Variants in RIT2 observed in about 807,000 individuals in gnomAD.
RIT2 encodes the protein GTP-binding protein Rit2.
RIT2 carries 24 observed loss-of-function variants against 23.7 expected under a neutral mutation model. The ratio of observed to expected loss-of-function variants is 1.01; its 90% CI spans 0.73 to 1.43. The LOEUF (loss-of-function observed/expected upper bound fraction) is 1.43. Among genes scored for constraint, RIT2 ranks in the 40% most tolerant of loss-of-function variants. The probability of loss-of-function intolerance (pLI) is 0.00; values close to 1 mark genes in which losing one functional copy is unlikely to be tolerated. For missense variants in RIT2, 236 were observed against 266.9 expected (o/e 0.88, Z 0.81); for synonymous variants, 107 against 91.1 (o/e 1.17, Z -0.99).
Position 42,990,695 on chromosome 18 carries a change from T to C in RIT2, c.161-16548A>G, listed in dbSNP as rs1910821684. 1.3e-5 allele frequency among the ~76,000 whole-genome samples: 2 copies of C among 152,226 alleles called. 1 individual carries two copies. The highest frequency in any genetic ancestry group is 1.3e-4 in the Admixed American group (2 of 15,280). On this transcript the variant is annotated intron_variant, in intron 2 of 4. Transcript: ENST00000326695. ...AGTGGTCAATAAATTCAGTTTACTT[T>C]CTTCTCACATTGTGTCTAGCACTCT...
chr18:42,817,497 G>C (rs1362641811), intron 4 of RIT2, among the ~76,000 whole-genome samples: 2 of 152,082 alleles, frequency 1.3e-5, no homozygotes. Flanking sequence ...CATAATTATG[G>C]TATGTACTAA....
intron 2 of RIT2, among the ~76,000 whole-genome samples, chr18:42,998,871 G>A (rs1460002836): frequency 1.3e-5 from 2 of 151,974 alleles, no homozygotes; most frequent in Non-Finnish European, 2.9e-5. Context: ...AAAGAGGTAG[G>A]TTTATAGGAC....
chr18:42,896,706 C>G (rs1354274675), intron 4 of RIT2, among the ~76,000 whole-genome samples: 9 of 152,180 alleles, frequency 5.9e-5, no homozygotes. Context: ...TCTGGAGGAA[C>G]TGATTTATCA....
intron 4 of RIT2, among the ~76,000 whole-genome samples, chr18:42,858,044 G>C (rs1157723869): frequency 6.6e-6 from 1 of 152,134 alleles, no homozygotes; most frequent in South Asian, 2.1e-4. Flanking sequence ...AGCTGGGCAT[G>C]GTGGCGCGCG....
intron 4 of RIT2, among the ~76,000 whole-genome samples, chr18:42,783,469 G>T (rs1198691561): frequency 6.6e-6 from 1 of 152,068 alleles, no homozygotes. Context: ...CCAGCTTCAG[G>T]AGTAATAAAG....
intron 1 of RIT2, among the ~76,000 whole-genome samples, chr18:43,050,522 G>T (rs867485807): frequency 6.6e-6 from 1 of 152,014 alleles, no homozygotes; most frequent in Non-Finnish European, 1.5e-5. Flanking sequence ...ATTGGTTTGC[G>T]TCCAGGGTTC....
At chr18:42,952,152 G>A (rs1909866118) in intron 3 of RIT2, among the ~76,000 whole-genome samples, 1 of 152,068 alleles carries the variant, frequency 6.6e-6, no homozygotes, top group Non-Finnish European at 1.5e-5. Flanking sequence ...ATGAGATTTG[G>A]GTGGGGACAT....
chr18:42,845,042 T>A (rs1906870024), intron 4 of RIT2, among the ~76,000 whole-genome samples: 1 of 152,166 alleles, frequency 6.6e-6, no homozygotes, highest in Admixed American at 6.5e-5. Context: ...TGAGGGCAAA[T>A]GATGCGTTCA....
intron 1 of RIT2, among the ~76,000 whole-genome samples, chr18:43,065,193 T>C (rs1912741253): frequency 6.6e-6 from 1 of 151,434 alleles, no homozygotes; most frequent in Non-Finnish European, 1.5e-5. Flanking sequence ...ATAAGCTCTG[T>C]TCAGCTTCAC....
chr18:42,929,034 G>GATACATATATAT (rs1555647354), intron 3 of RIT2, among the ~76,000 whole-genome samples: 3 of 96,956 alleles, frequency 3.1e-5, no homozygotes, highest in Non-Finnish European at 5.8e-5. Context: ...AAAATATGGA[G>GATACATATATAT]ATATATATAT....
intron 1 of RIT2, among the ~76,000 whole-genome samples, chr18:43,087,360 T>C (rs1243730340): frequency 2.6e-5 from 4 of 152,134 alleles, no homozygotes; most frequent in Non-Finnish European, 5.9e-5. Flanking sequence ...TGTTCCAATA[T>C]GTCCTTACTA....
intron 4 of RIT2, among the ~76,000 whole-genome samples, chr18:42,919,419 G>C (rs569473108): frequency 1.1e-3 from 168 of 152,070 alleles, no homozygotes; most frequent in African/African-American, 4.0e-3. Flanking sequence ...ATATCTTCAG[G>C]ATAAAACAGT....
intron 2 of RIT2, among the ~76,000 whole-genome samples, chr18:43,026,626 A>AAGAG (rs1384307222): frequency 2.9e-4 from 37 of 127,010 alleles, no homozygotes; most frequent in African/African-American, 9.8e-4. Flanking sequence ...GAAAGAAAGA[A>AAGAG]AGAAAGAAAG....
At chr18:42,931,590 G>T (rs1305400018) in intron 3 of RIT2, among the ~76,000 whole-genome samples, 4 of 152,080 alleles carry the variant, frequency 2.6e-5, no homozygotes, top group African/African-American at 7.2e-5. Flanking sequence ...TTTTGTCAAA[G>T]ATTTAAAGTT....
At chr18:43,115,357 C>A (rs1214288937) in intron 1 of RIT2, 60 bp downstream of exon 1, 1 of 1,592,112 alleles carries the variant, frequency 6.3e-7, no homozygotes, top group African/African-American at 1.4e-5. Context: ...TTTTCTTTCA[C>A]TCTATAGAGT....
intron 4 of RIT2, among the ~76,000 whole-genome samples, chr18:42,750,523 A>G (rs73482696): frequency 0.017 from 2,652 of 151,970 alleles, 71 homozygotes; most frequent in African/African-American, 0.058. Context: ...GTCCTCCAGT[A>G]TAGTAATATT....
chr18:43,110,999 A>G (rs978154049), intron 1 of RIT2, among the ~76,000 whole-genome samples: 1 of 152,158 alleles, frequency 6.6e-6, no homozygotes, highest in Non-Finnish European at 1.5e-5. Context: ...GCTAAAATCT[A>G]CTAATTTATG....
Position 43,062,295 on chromosome 18 carries a change from T to C in RIT2, c.104-28428A>G, listed in dbSNP as rs142879383. ...CCTTAAAAAATTGAGAGTAAATGTC[T>C]ATACTTTACTTCAAGACAAAAAAGA... On this transcript the variant is annotated intron_variant, in intron 1 of 4. Transcript: ENST00000326695. Among the ~76,000 whole-genome samples the C allele has an allele frequency of 9.2e-5, 14 of 152,252 alleles. No individual in the cohort carries two copies. The East Asian group carries it at 2.7e-3, about 29-fold the overall frequency.
At chr18:42,839,420 T>C (rs1906703868) in intron 4 of RIT2, among the ~76,000 whole-genome samples, 1 of 152,160 alleles carries the variant, frequency 6.6e-6, no homozygotes, top group African/African-American at 2.4e-5. Flanking sequence ...ACTATTTCCC[T>C]CAACTGAAAA....
Sources: gnomAD v4.1 joint callset for allele counts (sites outside exome capture counted in the v4.1 genomes callset) on GRCh38, gnomAD v4.1.1 for gene constraint, MANE v1.5 for transcripts, NCBI Gene and HGNC (gene_info 2026-07-23, HGNC 2026-07-21) for gene names.